PRRC2B: variants seen among roughly 807,000 people sequenced by gnomAD.
PRRC2B encodes protein PRRC2B.
Under a neutral mutation model 242.3 loss-of-function variants are expected in PRRC2B, and 68 were observed. That is an observed-to-expected ratio of 0.28 (90% CI 0.23 to 0.34). The LOEUF (loss-of-function observed/expected upper bound fraction) is 0.34, where lower values mean the gene tolerates loss of function less well. Ranked by LOEUF, PRRC2B falls within the 10% of genes least tolerant of loss-of-function variation. PRRC2B has a pLI of 1.00. For missense variants in PRRC2B, 2,835 were observed against 2,954.8 expected (o/e 0.96, Z 0.94); for synonymous variants, 1,228 against 1,173.6 (o/e 1.05, Z -0.95).
chr9:131,404,423 T>C (rs1036661189), intron 1 of PRRC2B, among the ~76,000 whole-genome samples: 11 of 152,180 alleles, frequency 7.2e-5, no homozygotes, highest in African/African-American at 2.7e-4. Context: ...GATTTCACTA[T>C]GTTGGCCAGG....
intron 1 of PRRC2B, among the ~76,000 whole-genome samples, chr9:131,407,739 C>T (rs1023292425): frequency 3.3e-5 from 5 of 152,128 alleles, no homozygotes; most frequent in African/African-American, 9.7e-5. Context: ...AGTTGATGAA[C>T]GTCTCTATAG....
chr9:131,486,458 A>G (rs1169857311), intron 26 of PRRC2B: 96 of 984,768 alleles, frequency 9.7e-5, no homozygotes, highest in Non-Finnish European at 1.2e-4. Flanking sequence ...ATTAGCTAAA[A>G]TGGAATTTTC....
rs192055708 is a variant in PRRC2B, at chr9:131,422,353, C to T, written c.-51-7741C>T. ...CAGGCGTGAGTCACCCGCATCCTGC[C>T]GGGTGTGTTACTTTTCTATCCTGAT... On this transcript the variant is annotated intron_variant, in intron 1 of 31. Transcript: ENST00000683519. Among the ~76,000 whole-genome samples, 13 of 152,292 alleles carry T rather than the reference C, an allele frequency of 8.5e-5. No homozygotes were observed. In the East Asian group the frequency reaches 1.5e-3, roughly 18 times the overall value.
At position 131,488,075 on chromosome 9, in the gene PRRC2B, G is replaced by A. The variant is rs1320489664; in HGVS notation, c.6204G>A (p.Met2068Ile). The part of the protein sequence containing the change: ...SQAAGLGASQ[M>I]LDSQLPQLTM... ...CTGCTGGCCTGGGTGCCTCCCAGATGTTGGACTCCCAGCTCCCACAGGTCA... is the reference window on the plus strand; with the variant it reads ...CTGCTGGCCTGGGTGCCTCCCAGATATTGGACTCCCAGCTCCCACAGGTCA... The change falls in exon 28 of 32, where the codon ATG (methionine) becomes ATA (isoleucine). Residue 2068 changes from methionine (M) to isoleucine (I), a missense_variant. Transcript: ENST00000683519. 1.2e-6 allele frequency: 2 copies of A among 1,613,184 alleles called. No individual in the cohort carries two copies. Among genetic ancestry groups the A allele is most frequent in the Non-Finnish European group, 1.7e-6 (2 of 1,179,368 alleles).
At chr9:131,484,117 G>A (rs1000655806) in intron 23 of PRRC2B, among the ~76,000 whole-genome samples, 6 of 152,218 alleles carry the variant, frequency 3.9e-5, no homozygotes, top group Non-Finnish European at 5.9e-5. Context: ...GAGAGTCTGC[G>A]GTCTCTGTCA....
intron 5 of PRRC2B, among the ~76,000 whole-genome samples, chr9:131,442,607 C>T (rs2966343): frequency 0.88 from 134,369 of 152,188 alleles, 59,809 homozygotes; most frequent in South Asian, 0.97. Context: ...CGCGCCTTTC[C>T]GGCACAGTCG....
chr9:131,489,184 C>A (rs200948435), intron 28 of PRRC2B, among the ~76,000 whole-genome samples: 2 of 131,646 alleles, frequency 1.5e-5, no homozygotes, highest in African/African-American at 2.9e-5. Context: ...CTCCAAAATT[C>A]TTTTTTTTTT....
At chr9:131,397,843 C>T (rs1003167949) in intron 1 of PRRC2B, among the ~76,000 whole-genome samples, 6 of 151,982 alleles carry the variant, frequency 3.9e-5, no homozygotes, top group Non-Finnish European at 8.8e-5. Flanking sequence ...TGGATTTCTC[C>T]CCAAAAAACA....
At chr9:131,473,094 C>T (rs776214402) in intron 14 of PRRC2B, among the ~76,000 whole-genome samples, 1 of 152,118 alleles carries the variant, frequency 6.6e-6, no homozygotes, top group Non-Finnish European at 1.5e-5. Context: ...CCAGACAGAC[C>T]CGCCAGTCTG....
Position 131,494,457 on chromosome 9 carries a change from G to T in PRRC2B, c.6526G>T (p.Gly2176Cys), listed in dbSNP as rs1177840387. Residue 2176 changes from glycine to cysteine, a missense_variant, in exon 31 of 32, where the codon GGC becomes TGC. Gly to Cys is a radical substitution (Grantham distance 159). Coordinates refer to ENST00000683519, the MANE Select transcript of PRRC2B (RefSeq NM_013318.4). The surrounding 1 kb of genome is among the most constrained non-coding windows in gnomAD (Gnocchi z 4.3). ...GCCCTCTGGATCAGCAGTTAACATG[G>T]GCTCTGTGCAGGGACACTACGTGCA... ...GKPSGSAVNM[G>C]SVQGHYVQQA... is the part of the protein sequence containing the mutation. 5 of 1,605,574 alleles carry T rather than the reference G, an allele frequency of 3.1e-6. No homozygotes were observed. Among genetic ancestry groups the T allele is most frequent in the Middle Eastern group, 3.3e-4 (2 of 6,058 alleles).
At chr9:131,396,670 G>C (rs1017047261) in intron 1 of PRRC2B, among the ~76,000 whole-genome samples, 1 of 152,032 alleles carries the variant, frequency 6.6e-6, no homozygotes, top group Admixed American at 6.6e-5. Flanking sequence ...TTGGTTGATG[G>C]AACTGTGACT....
At chr9:131,462,562 A>G (rs1031589954) in intron 11 of PRRC2B, among the ~76,000 whole-genome samples, 1 of 150,390 alleles carries the variant, frequency 6.6e-6, no homozygotes, top group South Asian at 2.2e-4. Flanking sequence ...CAATTTGGCC[A>G]GCCGCAGTGG....
At chr9:131,474,093 G>C in intron 15 of PRRC2B, among the ~76,000 whole-genome samples, 1 of 152,022 alleles carries the variant, frequency 6.6e-6, no homozygotes, top group Non-Finnish European at 1.5e-5. Flanking sequence ...GACTCTTCAC[G>C]GCCTCCCAGG....
Position 131,447,066 on chromosome 9 carries a change from C to A in PRRC2B, c.856-19C>A. Reference sequence around the variant, plus strand: ...TCAGCCATTACCAGCAAATCCTGTTCATTGATGTTATGTTTCAGATGTGTT... The same window carrying A: ...TCAGCCATTACCAGCAAATCCTGTTAATTGATGTTATGTTTCAGATGTGTT... On this transcript the variant is annotated intron_variant, in intron 7 of 31. Transcript: ENST00000683519. 3 of 1,613,832 alleles carry A rather than the reference C, an allele frequency of 1.9e-6. No individual in the cohort carries two copies. The South Asian group carries it at 3.3e-5, about 18-fold the overall frequency.
At position 131,470,945 on chromosome 9, in the gene PRRC2B, C is replaced by A. The variant is rs1048951231; in HGVS notation, c.2069C>A (p.Thr690Asn). Residue 690 changes from threonine to asparagine, a missense_variant, in exon 14 of 32, where the codon ACC (threonine) becomes AAC (asparagine). By Grantham distance (65) the Thr-to-Asn change is moderately conservative (BLOSUM62 0). Transcript: ENST00000683519. ...GACCCACGTATCACGCCCACTCGGA[C>A]CCCGGTGGACTTCTACCCCTCCGCC... ...YMDPRITPTR[T>N]PVDFYPSALH... 1 of 1,612,360 alleles carries A rather than the reference C, an allele frequency of 6.2e-7. No homozygotes were observed. The highest frequency in any genetic ancestry group is 8.5e-7 in the Non-Finnish European group (1 of 1,179,044).
chr9:131,443,156 C>T (rs1459319355), intron 5 of PRRC2B, among the ~76,000 whole-genome samples: 9 of 147,774 alleles, frequency 6.1e-5, no homozygotes, highest in African/African-American at 1.3e-4. Context: ...TTTTTTGAGA[C>T]GGAATCTCGC....
chr9:131,495,495 C>T (rs1290022973), intron 31 of PRRC2B, among the ~76,000 whole-genome samples: 1 of 152,102 alleles, frequency 6.6e-6, no homozygotes, highest in African/African-American at 2.4e-5. Context: ...TTGTGGAGGA[C>T]CCGGTGTCTT....
intron 13 of PRRC2B, among the ~76,000 whole-genome samples, chr9:131,470,193 C>G (rs1219679027): frequency 6.6e-6 from 1 of 152,164 alleles, no homozygotes; most frequent in Non-Finnish European, 1.5e-5. Flanking sequence ...TGGGCAAAGT[C>G]ACACGGGACC....
At chr9:131,495,265 G>A (rs967511743) in intron 31 of PRRC2B, among the ~76,000 whole-genome samples, 2 of 152,164 alleles carry the variant, frequency 1.3e-5, no homozygotes, top group African/African-American at 4.8e-5. Context: ...GGAATGGTGG[G>A]GGGGTTGGCT....
Sources: allele counts gnomAD v4.1 joint callset (sites outside exome capture counted in the v4.1 genomes callset), GRCh38; gene constraint gnomAD v4.1.1; non-coding constraint Gnocchi (gnomAD v3.1); transcripts MANE v1.5; gene names NCBI Gene and HGNC (gene_info 2026-07-23, HGNC 2026-07-21).